PCDHGB1: variants seen among roughly 807,000 people sequenced by gnomAD.
PCDHGB1 encodes the protein protocadherin gamma subfamily B, 1, also known as protocadherin gamma-B1.
Under a neutral mutation model 56.6 loss-of-function variants are expected in PCDHGB1, and 34 were observed. The observed-to-expected ratio is 0.60, with a 90% CI of 0.46 to 0.80. The LOEUF (loss-of-function observed/expected upper bound fraction) is 0.80, where lower values mean the gene tolerates loss of function less well. PCDHGB1 is among the 30% of genes least tolerant of loss of function. The probability of loss-of-function intolerance (pLI) is 0.00; values close to 1 mark genes in which losing one functional copy is unlikely to be tolerated. For missense variants in PCDHGB1, 1,278 were observed against 1,204.6 expected, an observed-to-expected ratio of 1.06 and a Z score of -0.90; for synonymous variants, 561 against 505.9, an observed-to-expected ratio of 1.11 and a Z score of -1.46.
intron 1 of PCDHGB1, chr5:141,364,853 A>G (rs1352459567): frequency 6.2e-7 from 1 of 1,614,022 alleles, no homozygotes; most frequent in Non-Finnish European, 8.5e-7. Context: ...GCTCAGCTCC[A>G]ATCTGCACTT....
intron 2 of PCDHGB1, among the ~76,000 whole-genome samples, chr5:141,499,689 CTTTTTT>C (rs545067566): frequency 3.3e-5 from 4 of 119,854 alleles, no homozygotes; most frequent in Admixed American, 8.7e-5. Flanking sequence ...TAACAGATGA[CTTTTTT>C]TTTTTTTTTT....
At chr5:141,445,364 C>T (rs1374418361) in intron 1 of PCDHGB1, among the ~76,000 whole-genome samples, 1 of 152,158 alleles carries the variant, frequency 6.6e-6, no homozygotes, top group African/African-American at 2.4e-5. Flanking sequence ...CAAGTCTGGT[C>T]CTGGGTGGTT....
chr5:141,400,181 A>C, intron 1 of PCDHGB1: 3 of 1,614,034 alleles, frequency 1.9e-6, no homozygotes, highest in Non-Finnish European at 2.5e-6. Context: ...GCTGAGCTGC[A>C]GTTTTACCTA....
At chr5:141,427,882 A>G (rs2097084180) in intron 1 of PCDHGB1, 3 of 1,563,878 alleles carry the variant, frequency 1.9e-6, no homozygotes, top group Non-Finnish European at 2.6e-6. Flanking sequence ...ATGCAGGCCC[A>G]CGACCAGGGC....
intron 1 of PCDHGB1, chr5:141,418,730 G>A (rs371887408): frequency 6.2e-6 from 10 of 1,613,832 alleles, no homozygotes; most frequent in African/African-American, 1.3e-5. Context: ...AGCTCAGCAC[G>A]TGTTCTCTCT....
rs145286084 is a variant in PCDHGB1, at chr5:141,369,646, G to A, written c.2409+16977G>A. Among the ~76,000 whole-genome samples, 4 of 152,222 alleles carry A rather than the reference G, an allele frequency of 2.6e-5. No homozygotes were observed. The East Asian group carries it at 7.7e-4, about 29-fold the overall frequency. On this transcript the variant is annotated intron_variant, in intron 1 of 3. Coordinates refer to ENST00000523390, the MANE Select transcript of PCDHGB1 (RefSeq NM_018922.3). ...CATTACCTTTAACTTCTTTTGGGGG[G>A]AGATAATAAAGATAAAAGAGAAGAA...
At chr5:141,387,676 G>A (rs1218377613) in intron 1 of PCDHGB1, 7 of 732,116 alleles carry the variant, frequency 9.6e-6, no homozygotes, top group Non-Finnish European at 1.5e-5. Flanking sequence ...AGATCTCCTC[G>A]CGCAGCCGCA....
intron 1 of PCDHGB1, among the ~76,000 whole-genome samples, chr5:141,457,440 A>C (rs188608086): frequency 1.3e-5 from 2 of 152,334 alleles, no homozygotes; most frequent in African/African-American, 4.8e-5. Flanking sequence ...ACCAAGCTGC[A>C]GAAGATCACC....
In PCDHGB1 at chr5:141,352,394, CGA is replaced by C. The variant is rs776094293; in HGVS notation, c.2135_2136del (p.Arg712ProfsTer8). The C allele has an allele frequency of 6.2e-7, 1 of 1,613,932 alleles. No homozygotes were observed. On this transcript the variant is annotated frameshift_variant, in exon 1 of 4. Coordinates refer to ENST00000523390, the MANE Select transcript of PCDHGB1 (RefSeq NM_018922.3). LOFTEE classifies it high-confidence loss of function. ...AVILAIALRL[R>X]RSSSLDTEGC... ...GATTCTAGCGATCGCCCTGCGCCTG[CGA>C]CGTTCCTCCAGCCTCGACACTGAGG...
chr5:141,508,334 C>T (rs1323577321), intron 3 of PCDHGB1: 2 of 151,150 alleles, frequency 1.3e-5, no homozygotes, highest in African/African-American at 4.9e-5. Flanking sequence ...GGAGAACTGA[C>T]TCTACAGAAA....
In PCDHGB1 at chr5:141,489,948, T is replaced by C; in HGVS notation, c.2410-4859T>C. 2 of 1,614,210 alleles carry C rather than the reference T, an allele frequency of 1.2e-6. No individual in the cohort carries two copies. Among genetic ancestry groups the C allele is most frequent in the Non-Finnish European group, 1.7e-6 (2 of 1,180,030 alleles). On this transcript the variant is annotated intron_variant, in intron 1 of 3. Coordinates refer to ENST00000523390, the MANE Select transcript of PCDHGB1 (RefSeq NM_018922.3). The surrounding 1 kb of genome is among the most constrained non-coding windows in gnomAD (Gnocchi z 4.5). ...TCTCTGTCATCGTGCTGGACATCAA[T>C]GATAATGCTCCAACCTTCCAATCCT...
intron 1 of PCDHGB1, among the ~76,000 whole-genome samples, chr5:141,402,766 A>T (rs1321674206): frequency 6.6e-6 from 1 of 152,232 alleles, no homozygotes; most frequent in African/African-American, 2.4e-5. Context: ...TCAGGACTCC[A>T]TCCGGATTTC....
At chr5:141,500,192 A>T (rs865941565) in intron 2 of PCDHGB1, among the ~76,000 whole-genome samples, 1 of 110,142 alleles carries the variant, frequency 9.1e-6, no homozygotes, top group Non-Finnish European at 2.0e-5. Context: ...ATTTTTATTT[A>T]TTTATTTATT....
intron 1 of PCDHGB1, chr5:141,421,469 G>C (rs767500900): frequency 2.5e-6 from 4 of 1,614,122 alleles, no homozygotes; most frequent in Non-Finnish European, 3.4e-6. Context: ...GTGAATCCGC[G>C]AAGCGGCAGC....
rs1321974739 is a variant in PCDHGB1, at chr5:141,432,755, G to A, written c.2410-62052G>A. The A allele has an allele frequency of 2.5e-6, 4 of 1,614,134 alleles. No individual in the cohort carries two copies. Among genetic ancestry groups the A allele is most frequent in the African/African-American group, 1.3e-5 (1 of 75,060 alleles). On this transcript the variant is annotated intron_variant, in intron 1 of 3. Coordinates refer to ENST00000523390, the MANE Select transcript of PCDHGB1 (RefSeq NM_018922.3). This position sits in a 1 kb window ranked among gnomAD's most constrained non-coding sequence, Gnocchi z 6.0. ...TGTCACGCTCACCGTGGCCGTGGCC[G>A]ACAGCATCCCCCAAGTCCTGGCGGA...
At chr5:141,369,282 C>T (rs908116391) in intron 1 of PCDHGB1, among the ~76,000 whole-genome samples, 3 of 152,074 alleles carry the variant, frequency 2.0e-5, no homozygotes, top group Admixed American at 2.0e-4. Flanking sequence ...ATTCACTCCC[C>T]AATCCTAATA....
Position 141,417,739 on chromosome 5 carries a change from C to G in PCDHGB1, c.2409+65070C>G, listed in dbSNP as rs1002260902. On this transcript the variant is annotated intron_variant, in intron 1 of 3. Transcript: ENST00000523390. The stretch of plus-strand genomic sequence containing the variant: ...GGCTGCGCAGACCTTGCCCAGCACA[C>G]CAGATTGCCAGCTCCGAGACCCGGG... 1.6e-5 allele frequency: 22 copies of G among 1,411,706 alleles called. No homozygotes were observed. In the African/African-American group the frequency reaches 1.7e-4, roughly 11 times the overall value. The allele number at this position is 1,411,706 out of a possible 1,614,324, so 87.4% of individuals were successfully genotyped here.
At chr5:141,390,646 C>G (rs2092199925) in intron 1 of PCDHGB1, 1 of 218,218 alleles carries the variant, frequency 4.6e-6, no homozygotes, top group Non-Finnish European at 9.0e-6. Flanking sequence ...CTTTTTTCAG[C>G]TTGGATATAC....
In PCDHGB1 at chr5:141,476,291, G is replaced by T. The variant is rs1385060012; in HGVS notation, c.2410-18516G>T. The stretch of plus-strand genomic sequence containing the variant: ...GGTCGCGAACCTTGGTTTGGATCTC[G>T]GTAGCCTCTCAGCCCGCAGGTTCCG... On this transcript the variant is annotated intron_variant, in intron 1 of 3. Coordinates refer to ENST00000523390, the MANE Select transcript of PCDHGB1 (RefSeq NM_018922.3). This position sits in a 1 kb window ranked among gnomAD's most constrained non-coding sequence, Gnocchi z 7.6. 4 of 1,614,128 alleles carry T rather than the reference G, an allele frequency of 2.5e-6. No homozygotes were observed. Among genetic ancestry groups the T allele is most frequent in the South Asian group, 1.1e-5 (1 of 91,072 alleles).
Sources: gnomAD v4.1 joint callset for allele counts (sites outside exome capture counted in the v4.1 genomes callset) on GRCh38, gnomAD v4.1.1 for gene constraint, Gnocchi (gnomAD v3.1) non-coding constraint, MANE v1.5 for transcripts, NCBI Gene and HGNC (gene_info 2026-07-23, HGNC 2026-07-21) for gene names.